The following GRIN2A variants were observed in gnomAD, a reference collection of about 807,000 sequenced individuals.
GRIN2A encodes glutamate receptor ionotropic, NMDA 2A.
In GRIN2A, 22 loss-of-function variants were observed where a neutral mutation model predicts 113.4. The ratio of observed to expected loss-of-function variants is 0.19; its 90% CI spans 0.14 to 0.28. The LOEUF (loss-of-function observed/expected upper bound fraction) is 0.28, where lower values mean the gene tolerates loss of function less well. GRIN2A is among the 10% of genes least tolerant of loss of function. The probability of loss-of-function intolerance (pLI) is 1.00; values close to 1 mark genes in which losing one functional copy is unlikely to be tolerated. For missense variants in GRIN2A, 1,502 were observed against 1,887.0 expected (o/e 0.80, Z 3.78); for synonymous variants, 827 against 738.4 (o/e 1.12, Z -1.94).
chr16:9,958,196 C>T (rs2045349484), intron 2 of GRIN2A, among the ~76,000 whole-genome samples: 1 of 152,198 alleles, frequency 6.6e-6, no homozygotes, highest in Non-Finnish European at 1.5e-5. Context: ...ATCTGGCATG[C>T]AATTAACTTC....
At chr16:10,103,126 G>C (rs10153237) in intron 2 of GRIN2A, among the ~76,000 whole-genome samples, 7,353 of 152,106 alleles carry the variant, frequency 0.048, 312 homozygotes, top group African/African-American at 0.12. Flanking sequence ...TCGCAACTAT[G>C]AGGAATAGAT....
At chr16:9,994,627 T>C (rs1410083264) in intron 2 of GRIN2A, among the ~76,000 whole-genome samples, 1 of 151,994 alleles carries the variant, frequency 6.6e-6, no homozygotes, top group South Asian at 2.1e-4. Context: ...AAGAAGCAAA[T>C]AGAAGAGAAG....
chr16:9,878,108 C>A lies in GRIN2A; in HGVS notation c.1122+12878G>T, dbSNP rs556306511. Among the ~76,000 whole-genome samples the A allele has an allele frequency of 1.1e-4, 17 of 152,216 alleles. 1 individual carries two copies. The South Asian group carries it at 3.3e-3, about 30-fold the overall frequency. On this transcript the variant is annotated intron_variant, in intron 4 of 12. Coordinates refer to ENST00000330684, the MANE Select transcript of GRIN2A (RefSeq NM_001134407.3). ...TGGCAATGGAAAACTAGCAAGGGTGCAGCTTTTGTCTTACATTTATACCAC... is the reference window on the plus strand; with the variant it reads ...TGGCAATGGAAAACTAGCAAGGGTGAAGCTTTTGTCTTACATTTATACCAC...
chr16:9,878,192 C>T (rs576297547), intron 4 of GRIN2A, among the ~76,000 whole-genome samples: 4 of 152,206 alleles, frequency 2.6e-5, no homozygotes, highest in East Asian at 1.9e-4. Flanking sequence ...TTTGGGTTTG[C>T]GACTGGGATG....
At chr16:10,133,897 G>C (rs563691941) in intron 2 of GRIN2A, among the ~76,000 whole-genome samples, 1 of 152,240 alleles carries the variant, frequency 6.6e-6, no homozygotes, top group African/African-American at 2.4e-5. Context: ...AATTCAGTTA[G>C]GCAGTCCGGA....
At chr16:9,787,826 A>G (rs1217189660) in intron 11 of GRIN2A, among the ~76,000 whole-genome samples, 3 of 151,946 alleles carry the variant, frequency 2.0e-5, no homozygotes, top group Non-Finnish European at 2.9e-5. Flanking sequence ...TCTCCCCTCT[A>G]TTTTTACTTT....
intron 2 of GRIN2A, among the ~76,000 whole-genome samples, chr16:10,141,287 G>A (rs1405423396): frequency 9.2e-5 from 14 of 151,572 alleles, no homozygotes; most frequent in Admixed American, 9.2e-4. Flanking sequence ...TCAGGAGTTC[G>A]AGACCAACGT....
rs1900810030 is a variant in GRIN2A, at chr16:9,764,782, G to A, written c.2762C>T (p.Ala921Val). 2 of 1,614,182 alleles carry A rather than the reference G, an allele frequency of 1.2e-6. No homozygotes were observed. Among genetic ancestry groups the A allele is most frequent in the South Asian group, 1.1e-5 (1 of 91,088 alleles). The stretch of plus-strand genomic sequence containing the variant: ...GGAACCTCTTTGGATGAAGTCAGCA[G>A]CTCTTTTGGGTGAGTCCATTCTTGA... The part of the protein sequence containing the change: ...NSSRMDSPKR[A>V]ADFIQRGSLI... Residue 921 changes from alanine to valine, a missense_variant, in exon 13 of 13, where the codon GCT becomes GTT. This residue lies in a region of GRIN2A where 832 missense variants were observed against 789.7 expected (regional missense o/e 1.05). Coordinates refer to ENST00000330684, the MANE Select transcript of GRIN2A (RefSeq NM_001134407.3).
Position 9,963,269 on chromosome 16 carries a change from T to TA in GRIN2A, c.415-24719dup, listed in dbSNP as rs961144523. 6.6e-5 allele frequency among the ~76,000 whole-genome samples: 10 copies of TA among 151,554 alleles called. 1 individual carries two copies. In the East Asian group the frequency reaches 1.6e-3, roughly 24 times the overall value. On this transcript the variant is annotated intron_variant, in intron 2 of 12. Transcript: ENST00000330684. ...ATGTACCCTAAAACTTAAAGTATAA[T>TA]AAAAAAAAATTTTACTCTAAGTTCC...
At chr16:10,028,403 C>T (rs1451239326) in intron 2 of GRIN2A, among the ~76,000 whole-genome samples, 1 of 152,098 alleles carries the variant, frequency 6.6e-6, no homozygotes, top group African/African-American at 2.4e-5. Context: ...AGGCAGCTGC[C>T]CAGCCATGGA....
At chr16:10,080,473 G>A (rs957405448) in intron 2 of GRIN2A, among the ~76,000 whole-genome samples, 1 of 152,142 alleles carries the variant, frequency 6.6e-6, no homozygotes, top group Non-Finnish European at 1.5e-5. Context: ...AGACCTCTGT[G>A]GGTGCCAAAC....
chr16:10,021,029 C>A (rs1019157569), intron 2 of GRIN2A, among the ~76,000 whole-genome samples: 3 of 152,170 alleles, frequency 2.0e-5, no homozygotes, highest in African/African-American at 7.2e-5. Context: ...GCTTCAGACT[C>A]ATTAACATCT....
chr16:10,023,438 G>A (rs1027716938), intron 2 of GRIN2A, among the ~76,000 whole-genome samples: 1 of 152,124 alleles, frequency 6.6e-6, no homozygotes, highest in African/African-American at 2.4e-5. Context: ...CTTTATATGT[G>A]AGAAAACTAA....
intron 2 of GRIN2A, among the ~76,000 whole-genome samples, chr16:10,025,283 C>A (rs2937031): frequency 0.79 from 108,571 of 137,118 alleles, 43,862 homozygotes; most frequent in Non-Finnish European, 0.85. Context: ...AGATCAGGGA[C>A]GCAGCAGGGT....
intron 2 of GRIN2A, among the ~76,000 whole-genome samples, chr16:10,008,924 T>C (rs1366505408): frequency 6.6e-6 from 1 of 152,202 alleles, no homozygotes; most frequent in Non-Finnish European, 1.5e-5. Context: ...TATTTATTTG[T>C]TGGGTCTTTT....
intron 2 of GRIN2A, among the ~76,000 whole-genome samples, chr16:9,991,348 A>G (rs908715847): frequency 6.6e-6 from 1 of 152,212 alleles, no homozygotes; most frequent in African/African-American, 2.4e-5. Flanking sequence ...TCAGCTCTGA[A>G]TTAGTAAGTG....
chr16:10,180,632 G>A lies in GRIN2A; in HGVS notation c.-18-203C>T. The A allele has an allele frequency of 1.2e-6, 1 of 856,264 alleles. No homozygotes were observed. Among genetic ancestry groups the A allele is most frequent in the South Asian group, 1.8e-5 (1 of 55,812 alleles). 53.0% of individuals were successfully genotyped at this position (856,264 alleles called of 1,614,324 possible). ...CTAACTCTATCCACAACTCCAATTC[G>A]AGCTAATTCTCCATCCCCCAGCCCC... On this transcript the variant is annotated intron_variant, in intron 1 of 12. Coordinates refer to ENST00000330684, the MANE Select transcript of GRIN2A (RefSeq NM_001134407.3). The surrounding 1 kb of genome is among the most constrained non-coding windows in gnomAD (Gnocchi z 7.0).
At chr16:9,832,142 G>T (rs2042508385) in intron 8 of GRIN2A, among the ~76,000 whole-genome samples, 1 of 144,562 alleles carries the variant, frequency 6.9e-6, no homozygotes, top group Admixed American at 7.0e-5. Flanking sequence ...TTATTGTAGA[G>T]ATGAGGTCTT....
chr16:9,800,533 C>T (rs1441381747), intron 10 of GRIN2A, among the ~76,000 whole-genome samples: 4 of 152,022 alleles, frequency 2.6e-5, no homozygotes, highest in African/African-American at 4.8e-5. Flanking sequence ...AGACAGCTGC[C>T]GAAGGACTCC....
Sources: allele counts gnomAD v4.1 joint callset (sites outside exome capture counted in the v4.1 genomes callset), GRCh38; gene constraint gnomAD v4.1.1; regional missense constraint gnomAD v4.1.1; non-coding constraint Gnocchi (gnomAD v3.1); transcripts MANE v1.5; gene names NCBI Gene and HGNC (gene_info 2026-07-23, HGNC 2026-07-21).